The following DPP10 variants were observed in gnomAD, a reference collection of about 807,000 sequenced individuals.
DPP10 encodes inactive dipeptidyl peptidase 10.
Under a neutral mutation model 120.9 loss-of-function variants are expected in DPP10, and 33 were observed. The observed-to-expected ratio is 0.27, with a 90% CI of 0.21 to 0.37. The LOEUF (loss-of-function observed/expected upper bound fraction) is 0.37, where lower values mean the gene tolerates loss of function less well. Among genes scored for constraint, DPP10 ranks in the 10% least tolerant of loss-of-function variants. The pLI is 1.00. For missense variants in DPP10, 816 were observed against 942.8 expected (o/e 0.87, Z 1.76); for synonymous variants, 337 against 326.1 (o/e 1.03, Z -0.36).
chr2:114,642,447 TAAAC>T (rs1271942231), intron 1 of DPP10, among the ~76,000 whole-genome samples: 1 of 151,848 alleles, frequency 6.6e-6, no homozygotes, highest in African/African-American at 2.4e-5. Context: ...TTGACAAAAT[TAAAC>T]AAAAACTAAG....
At chr2:115,450,287 C>T (rs1279835472) in intron 3 of DPP10, among the ~76,000 whole-genome samples, 1 of 151,830 alleles carries the variant, frequency 6.6e-6, no homozygotes, top group Non-Finnish European at 1.5e-5. Context: ...CATGTCACTG[C>T]CTGGAAAAAG....
At chr2:115,003,189 A>AC (rs1221554063) in intron 1 of DPP10, among the ~76,000 whole-genome samples, 64 of 151,516 alleles carry the variant, frequency 4.2e-4, no homozygotes, top group Admixed American at 4.1e-3. Flanking sequence ...AAAAAAAAAA[A>AC]AAACAATGAA....
intron 1 of DPP10, among the ~76,000 whole-genome samples, chr2:114,744,785 G>A (rs535189329): frequency 5.3e-5 from 8 of 151,702 alleles, no homozygotes; most frequent in African/African-American, 1.2e-4. Context: ...TTTTTTAGAC[G>A]GAGTCTCACT....
intron 1 of DPP10, among the ~76,000 whole-genome samples, chr2:115,079,836 C>T (rs1478430232): frequency 6.6e-6 from 1 of 152,060 alleles, no homozygotes; most frequent in Admixed American, 6.5e-5. Flanking sequence ...AGAGAAATGG[C>T]GTTATCAGAT....
intron 1 of DPP10, among the ~76,000 whole-genome samples, chr2:114,642,839 G>A (rs1695812678): frequency 6.6e-6 from 1 of 151,892 alleles, no homozygotes; most frequent in Non-Finnish European, 1.5e-5. Context: ...ACAGAACCCA[G>A]ATCTCATGAC....
chr2:115,314,840 T>C lies in DPP10; in HGVS notation c.175+5487T>C, dbSNP rs190217816. Among the ~76,000 whole-genome samples the C allele has an allele frequency of 1.3e-3, 192 of 152,216 alleles. 2 individuals carry two copies. The highest frequency in any genetic ancestry group is 4.5e-3 in the African/African-American group (189 of 41,560). ...GCAAGTGAAGGAAACTAGAGAAACA[T>C]AGGCAGCCCTATTCAGAAAAATCAA... On this transcript the variant is annotated intron_variant, in intron 2 of 25. Coordinates refer to ENST00000410059, the MANE Select transcript of DPP10 (RefSeq NM_020868.6).
At chr2:115,670,889 T>A (rs966246179) in intron 5 of DPP10, among the ~76,000 whole-genome samples, 2 of 152,132 alleles carry the variant, frequency 1.3e-5, no homozygotes, top group South Asian at 2.1e-4. Context: ...TAATATGATA[T>A]GTGGATGAAC....
intron 1 of DPP10, among the ~76,000 whole-genome samples, chr2:115,080,219 T>C (rs1708159179): frequency 6.6e-6 from 1 of 152,222 alleles, no homozygotes; most frequent in African/African-American, 2.4e-5. Flanking sequence ...GGTTTCACTA[T>C]ATTGGCCAGG....
intron 2 of DPP10, among the ~76,000 whole-genome samples, chr2:115,317,819 G>A (rs990842096): frequency 6.6e-6 from 1 of 151,818 alleles, no homozygotes; most frequent in African/African-American, 2.4e-5. Flanking sequence ...GGGACTTGCT[G>A]GTTTTACTGA....
chr2:114,451,873 G>T (rs1405801973), intron 1 of DPP10, among the ~76,000 whole-genome samples: 2 of 152,098 alleles, frequency 1.3e-5, no homozygotes, highest in African/African-American at 4.8e-5. Context: ...TGTCTTTCAG[G>T]ATAATCCAAA....
At chr2:115,705,287 T>C (rs1015613603) in intron 7 of DPP10, among the ~76,000 whole-genome samples, 8 of 152,016 alleles carry the variant, frequency 5.3e-5, no homozygotes, top group South Asian at 2.1e-4. Flanking sequence ...AGATTTTGCT[T>C]CATATTCCAT....
Position 114,553,421 on chromosome 2 carries a change from A to T in DPP10, c.60+110583A>T, listed in dbSNP as rs115935518. Among the ~76,000 whole-genome samples, 371 of 152,296 alleles carry T rather than the reference A, an allele frequency of 2.4e-3. 2 individuals carry two copies. The highest frequency in any genetic ancestry group is 8.6e-3 in the African/African-American group (359 of 41,564). On this transcript the variant is annotated intron_variant, in intron 1 of 25. Coordinates refer to ENST00000410059, the MANE Select transcript of DPP10 (RefSeq NM_020868.6). ...CGGGTAGGTGGGAAAGTTGAAGATG[A>T]TAGATTTCCAGTGCCTGGGAATAAC... is the stretch of plus-strand genomic sequence containing the variant.
chr2:115,384,915 C>A (rs1190680951), intron 3 of DPP10, among the ~76,000 whole-genome samples: 1 of 152,190 alleles, frequency 6.6e-6, no homozygotes, highest in Non-Finnish European at 1.5e-5. Context: ...AATTTGAATC[C>A]TGGTGGTGGT....
chr2:114,663,692 G>GAGAGAGAGAGAGAGAGAGAGAGAGAA (rs1697667513), intron 1 of DPP10, among the ~76,000 whole-genome samples: 1 of 147,936 alleles, frequency 6.8e-6, no homozygotes, highest in Non-Finnish European at 1.5e-5. Flanking sequence ...GAGAGAGAGA[G>GAGAGAGAGAGAGAGAGAGAGAGAGAA]AGAGAAACTG....
chr2:114,552,933 T>C (rs1022794007), intron 1 of DPP10, among the ~76,000 whole-genome samples: 2 of 152,184 alleles, frequency 1.3e-5, no homozygotes, highest in South Asian at 4.1e-4. Context: ...CCCAATTAAA[T>C]AGACTTTTTC....
Position 115,759,956 on chromosome 2 carries a change from C to T in DPP10, c.1075-2616C>T, listed in dbSNP as rs772089728. Reference sequence around the variant, plus strand: ...CCTGGGAAGTGGAGGTTGCTGTGAGCCAAGATCATTCCATTTCACTCCAGT... The same window carrying T: ...CCTGGGAAGTGGAGGTTGCTGTGAGTCAAGATCATTCCATTTCACTCCAGT... On this transcript the variant is annotated intron_variant, in intron 11 of 25. Coordinates refer to ENST00000410059, the MANE Select transcript of DPP10 (RefSeq NM_020868.6). Among the ~76,000 whole-genome samples, 213 of 151,930 alleles carry T rather than the reference C, an allele frequency of 1.4e-3. 6 individuals are homozygous for T. The highest frequency in any genetic ancestry group is 3.4e-3 in the Middle Eastern group (1 of 294).
At chr2:115,697,827 T>C (rs1485858720) in intron 7 of DPP10, among the ~76,000 whole-genome samples, 1 of 151,782 alleles carries the variant, frequency 6.6e-6, no homozygotes, top group African/African-American at 2.4e-5. Flanking sequence ...CCACTAAAAA[T>C]ACAAAAAATT....
At chr2:114,557,859 A>T (rs1184382006) in intron 1 of DPP10, among the ~76,000 whole-genome samples, 2 of 152,194 alleles carry the variant, frequency 1.3e-5, no homozygotes, top group African/African-American at 4.8e-5. Flanking sequence ...TCCTTATCTC[A>T]GAGCCAAATC....
intron 1 of DPP10, among the ~76,000 whole-genome samples, chr2:114,484,491 T>C (rs560298452): frequency 2.0e-4 from 31 of 152,308 alleles, no homozygotes; most frequent in Middle Eastern, 3.4e-3. Context: ...CTTTGTTTTA[T>C]CTGCCACGAG....
Sources: allele counts gnomAD v4.1 joint callset (sites outside exome capture counted in the v4.1 genomes callset), GRCh38; gene constraint gnomAD v4.1.1; transcripts MANE v1.5; gene names NCBI Gene and HGNC (gene_info 2026-07-23, HGNC 2026-07-21).